The following LRMDA variants were observed in gnomAD, a reference collection of about 807,000 sequenced individuals.
LRMDA encodes the protein leucine-rich melanocyte differentiation-associated protein.
LRMDA carries 18 observed loss-of-function variants against 29.8 expected under a neutral mutation model. The observed-to-expected ratio is 0.60, with a 90% CI of 0.42 to 0.90. The LOEUF (loss-of-function observed/expected upper bound fraction) is 0.90. Ranked by LOEUF, LRMDA falls within the 40% of genes least tolerant of loss-of-function variation. The pLI, the probability that LRMDA is intolerant of heterozygous loss-of-function variation, is 0.00. For missense variants in LRMDA, 273 were observed against 273.9 expected, an observed-to-expected ratio of 1.00 and a Z score of 0.02; for synonymous variants, 125 against 109.4, an observed-to-expected ratio of 1.14 and a Z score of -0.89.
At chr10:75,573,356 T>C (rs1249028433) in intron 2 of LRMDA, among the ~76,000 whole-genome samples, 3 of 152,220 alleles carry the variant, frequency 2.0e-5, no homozygotes, top group African/African-American at 4.8e-5. Flanking sequence ...AATCCTCAGC[T>C]GTTCTCTTTT....
At chr10:76,083,527 A>C (rs112878254) in intron 5 of LRMDA, among the ~76,000 whole-genome samples, 39 of 152,328 alleles carry the variant, frequency 2.6e-4, no homozygotes, top group African/African-American at 8.4e-4. Flanking sequence ...TAACATAGGT[A>C]TAAAATAAAG....
chr10:76,324,602 G>T (rs1267578028), intron 6 of LRMDA, 117 bp downstream of exon 6: 1 of 853,052 alleles, frequency 1.2e-6, no homozygotes, highest in South Asian at 1.5e-5. Context: ...TGCTTTTTAA[G>T]TCCTTGATGA....
At chr10:76,228,092 G>A (rs988371551) in intron 5 of LRMDA, among the ~76,000 whole-genome samples, 22 of 149,878 alleles carry the variant, frequency 1.5e-4, no homozygotes, top group Admixed American at 1.3e-3. Context: ...TGTGATCTTT[G>A]CTCACTGCAA....
rs915249895 is a variant in LRMDA, at chr10:75,663,557, T to G, written c.131+225063T>G. Reference sequence around the variant, plus strand: ...TCTCCAGAACTCTCTCAGTTCAGACTGTTATGTTGAAGCCCTGGAGATAAA... The same window carrying G: ...TCTCCAGAACTCTCTCAGTTCAGACGGTTATGTTGAAGCCCTGGAGATAAA... On this transcript the variant is annotated intron_variant, in intron 2 of 6. Transcript: ENST00000611255. Among the ~76,000 whole-genome samples, 9 of 152,180 alleles carry G rather than the reference T, an allele frequency of 5.9e-5. No homozygotes were observed. In the East Asian group the frequency reaches 1.7e-3, roughly 29 times the overall value.
intron 5 of LRMDA, among the ~76,000 whole-genome samples, chr10:76,312,448 T>C (rs1190806801): frequency 6.6e-6 from 1 of 152,122 alleles, no homozygotes. Context: ...TTTGGAAAAG[T>C]ACTTTGGTTC....
At chr10:75,868,636 T>C (rs930925784) in intron 2 of LRMDA, among the ~76,000 whole-genome samples, 2 of 152,204 alleles carry the variant, frequency 1.3e-5, no homozygotes, top group African/African-American at 4.8e-5. Context: ...TTTTTCACTT[T>C]CTTAGACTCT....
At chr10:75,774,924 G>A (rs139973216) in intron 2 of LRMDA, among the ~76,000 whole-genome samples, 69 of 152,342 alleles carry the variant, frequency 4.5e-4, no homozygotes, top group South Asian at 8.3e-4. Context: ...AGGCTGGAAG[G>A]AAACAAGGCT....
intron 2 of LRMDA, among the ~76,000 whole-genome samples, chr10:75,683,754 G>A (rs1275282775): frequency 1.3e-5 from 2 of 152,188 alleles, no homozygotes; most frequent in Non-Finnish European, 2.9e-5. Flanking sequence ...GGATAGCCTT[G>A]GCTTGGCAAA....
At chr10:76,490,894 T>C (rs79557352) in intron 6 of LRMDA, among the ~76,000 whole-genome samples, 3,889 of 152,018 alleles carry the variant, frequency 0.026, 174 homozygotes, top group African/African-American at 0.09. Flanking sequence ...TGATTTTCTC[T>C]TGTGGTATGA....
chr10:75,724,335 A>G (rs1238046723), intron 2 of LRMDA, among the ~76,000 whole-genome samples: 1 of 152,230 alleles, frequency 6.6e-6, no homozygotes, highest in Non-Finnish European at 1.5e-5. Flanking sequence ...GCTCCCCATT[A>G]TGCCACCCAT....
intron 6 of LRMDA, among the ~76,000 whole-genome samples, chr10:76,522,035 T>C (rs1843126700): frequency 6.6e-6 from 1 of 152,176 alleles, no homozygotes. Flanking sequence ...ATTTGGCAAG[T>C]AGCATATTTG....
At chr10:75,592,904 A>G (rs1266450300) in intron 2 of LRMDA, among the ~76,000 whole-genome samples, 1 of 152,016 alleles carries the variant, frequency 6.6e-6, no homozygotes, top group Non-Finnish European at 1.5e-5. Flanking sequence ...CTTATCTCCT[A>G]TGCCTGGAGT....
At chr10:75,874,448 C>A (rs1472040195) in intron 2 of LRMDA, among the ~76,000 whole-genome samples, 1 of 152,188 alleles carries the variant, frequency 6.6e-6, no homozygotes, top group Non-Finnish European at 1.5e-5. Flanking sequence ...AGAATTGTTA[C>A]AGAAATACTG....
intron 2 of LRMDA, among the ~76,000 whole-genome samples, chr10:75,792,553 G>A (rs1448296935): frequency 2.0e-5 from 3 of 152,096 alleles, no homozygotes; most frequent in Non-Finnish European, 2.9e-5. Context: ...GTGAGCCACC[G>A]TGCCTGGCTG....
chr10:76,020,437 C>CT (rs1400714647), intron 2 of LRMDA, among the ~76,000 whole-genome samples: 1 of 152,220 alleles, frequency 6.6e-6, no homozygotes, highest in Non-Finnish European at 1.5e-5. Flanking sequence ...AGCACCTGCA[C>CT]TTACATTTCT....
intron 2 of LRMDA, among the ~76,000 whole-genome samples, chr10:75,966,100 A>T (rs937324281): frequency 4.6e-5 from 7 of 152,216 alleles, no homozygotes; most frequent in Non-Finnish European, 1.0e-4. Flanking sequence ...TGCTAGTTTC[A>T]TGTCTTCCTA....
At chr10:76,412,854 A>T (rs1229002382) in intron 6 of LRMDA, among the ~76,000 whole-genome samples, 1 of 152,064 alleles carries the variant, frequency 6.6e-6, no homozygotes, top group East Asian at 1.9e-4. Flanking sequence ...CTAAATGCTA[A>T]AAGAATAATT....
chr10:76,305,950 A>G (rs2758982), intron 5 of LRMDA, among the ~76,000 whole-genome samples: 90,350 of 152,080 alleles, frequency 0.59, 30,890 homozygotes, highest in Non-Finnish European at 0.8. Context: ...CATCTATTAA[A>G]CTATTTTCCA....
intron 2 of LRMDA, among the ~76,000 whole-genome samples, chr10:75,670,079 T>C (rs1841872459): frequency 6.6e-6 from 1 of 152,254 alleles, no homozygotes; most frequent in African/African-American, 2.4e-5. Context: ...CATTGTTTGA[T>C]GTTAAATAGA....
Sources: allele counts gnomAD v4.1 joint callset (sites outside exome capture counted in the v4.1 genomes callset), GRCh38; gene constraint gnomAD v4.1.1; transcripts MANE v1.5; gene names NCBI Gene and HGNC (gene_info 2026-07-23, HGNC 2026-07-21).